Variants in PLCL1 observed in about 807,000 individuals in gnomAD.
PLCL1 encodes the protein inactive phospholipase C-like protein 1.
A neutral mutation model predicts 84.4 loss-of-function variants in PLCL1; 41 were observed. The ratio of observed to expected loss-of-function variants is 0.49; its 90% CI spans 0.38 to 0.63. The LOEUF is 0.63. Among genes scored for constraint, PLCL1 ranks in the 30% least tolerant of loss-of-function variants. PLCL1 has a pLI of 0.00. For synonymous variants in PLCL1, 490 were observed against 488.3 expected (o/e 1.00, Z -0.05); for missense variants, 1,206 against 1,367.8 (o/e 0.88, Z 1.87).
At chr2:197,854,941 A>T (rs1168284552) in intron 1 of PLCL1, among the ~76,000 whole-genome samples, 2 of 152,180 alleles carry the variant, frequency 1.3e-5, no homozygotes, top group Non-Finnish European at 2.9e-5. Context: ...TAAAGACAGA[A>T]TTTTTACAGC....
At chr2:198,054,154 T>C (rs891843452) in intron 1 of PLCL1, among the ~76,000 whole-genome samples, 2 of 152,134 alleles carry the variant, frequency 1.3e-5, no homozygotes, top group Admixed American at 6.5e-5. Context: ...GCACCCAACA[T>C]CAGAACACCT....
intron 1 of PLCL1, among the ~76,000 whole-genome samples, chr2:197,858,377 G>A (rs1209582573): frequency 6.6e-6 from 1 of 152,080 alleles, no homozygotes; most frequent in East Asian, 1.9e-4. Flanking sequence ...CCTCCAAAGG[G>A]CCTGAGCCAT....
chr2:197,988,220 G>C (rs1342829005), intron 1 of PLCL1, among the ~76,000 whole-genome samples: 1 of 152,192 alleles, frequency 6.6e-6, no homozygotes, highest in Non-Finnish European at 1.5e-5. Flanking sequence ...AGCTGAGTGA[G>C]TATAGTGTTG....
intron 1 of PLCL1, among the ~76,000 whole-genome samples, chr2:197,915,953 A>C (rs545283559): frequency 1.3e-5 from 2 of 152,316 alleles, no homozygotes; most frequent in South Asian, 4.1e-4. Context: ...GCATCAGACA[A>C]TATACCAGCT....
Position 198,084,714 on chromosome 2 carries a change from T to C in PLCL1, c.1197T>C (p.Asp399=), listed in dbSNP as rs768799803. 1 of 1,614,090 alleles carries C rather than the reference T, an allele frequency of 6.2e-7. No homozygotes were observed. The highest frequency in any genetic ancestry group is 8.5e-7 in the Non-Finnish European group (1 of 1,179,984). Residue 399 remains aspartate, a synonymous_variant, in exon 2 of 6, where the codon GAT becomes GAC. Coordinates refer to ENST00000428675, the MANE Select transcript of PLCL1 (RefSeq NM_006226.4). ...CTGAGCAAAAGAAGGTTGCCCAAGA[T>C]ATGACCCAGCCATTATCTCACTACT... ...FDPEQKKVAQ[D]MTQPLSHYYI... is the part of the protein sequence containing the mutation.
At chr2:198,059,389 T>C (rs1692140966) in intron 1 of PLCL1, among the ~76,000 whole-genome samples, 2 of 152,180 alleles carry the variant, frequency 1.3e-5, no homozygotes, top group African/African-American at 4.8e-5. Context: ...AAACATCTGT[T>C]TGGTTTCTGT....
intron 1 of PLCL1, among the ~76,000 whole-genome samples, chr2:198,061,527 A>G (rs1207256959): frequency 2.0e-5 from 3 of 152,172 alleles, no homozygotes; most frequent in African/African-American, 7.2e-5. Flanking sequence ...CTTCATTGGT[A>G]TATGATCTGG....
At chr2:197,974,391 T>C (rs1689926329) in intron 1 of PLCL1, among the ~76,000 whole-genome samples, 1 of 152,240 alleles carries the variant, frequency 6.6e-6, no homozygotes, top group Admixed American at 6.5e-5. Flanking sequence ...ATCTTGAGCA[T>C]GTGCTACTTT....
intron 1 of PLCL1, among the ~76,000 whole-genome samples, chr2:197,989,419 A>G (rs1690291516): frequency 6.6e-6 from 1 of 152,146 alleles, no homozygotes. Flanking sequence ...AGGAATTTGA[A>G]CTAGATCTGA....
At chr2:198,101,510 C>G in intron 4 of PLCL1, 150 bp downstream of exon 4, 2 of 597,168 alleles carry the variant, frequency 3.3e-6, no homozygotes, top group Non-Finnish European at 5.9e-6. Context: ...TTAAGTTACA[C>G]TTTAGTCTTT....
chr2:198,140,593 A>G (rs995616831), intron 5 of PLCL1, among the ~76,000 whole-genome samples: 2 of 152,160 alleles, frequency 1.3e-5, no homozygotes, highest in African/African-American at 4.8e-5. Context: ...GAAATGTGGT[A>G]AAAGAAGATC....
rs750593306 is a variant in PLCL1, at chr2:198,085,064, A to G, written c.1547A>G (p.Tyr516Cys). The change falls in exon 2 of 6, where the codon TAT (tyrosine) becomes TGT (cysteine). Residue 516 changes from tyrosine to cysteine, a missense_variant. Transcript: ENST00000428675. The surrounding 1 kb of genome is among the most constrained non-coding windows in gnomAD (Gnocchi z 5.3). ...AAAAAGGTCTTTGGCAATAAACTCT[A>G]TACTGAAGCACCTTTGCCCTCAGAA... is the stretch of plus-strand genomic sequence containing the variant. ...QMKKVFGNKL[Y>C]TEAPLPSESY... 1 of 1,614,108 alleles carries G rather than the reference A, an allele frequency of 6.2e-7. No individual in the cohort carries two copies. The highest frequency in any genetic ancestry group is 2.2e-5 in the East Asian group (1 of 44,886).
At chr2:198,023,346 C>G (rs1369798022) in intron 1 of PLCL1, among the ~76,000 whole-genome samples, 2 of 152,204 alleles carry the variant, frequency 1.3e-5, no homozygotes, top group Non-Finnish European at 2.9e-5. Context: ...TGGGCAAAGA[C>G]TTCAAGACTA....
At chr2:198,022,774 C>G (rs1691168451) in intron 1 of PLCL1, among the ~76,000 whole-genome samples, 2 of 152,176 alleles carry the variant, frequency 1.3e-5, no homozygotes, top group South Asian at 4.1e-4. Context: ...GAAAAACTTT[C>G]CATGTTCATG....
chr2:198,087,489 T>G (rs532967767), intron 2 of PLCL1, among the ~76,000 whole-genome samples: 1 of 152,298 alleles, frequency 6.6e-6, no homozygotes, highest in South Asian at 2.1e-4. Flanking sequence ...CTGATGTGTT[T>G]ATAATAATCC....
chr2:198,021,934 A>G (rs1691142393), intron 1 of PLCL1, among the ~76,000 whole-genome samples: 1 of 151,792 alleles, frequency 6.6e-6, no homozygotes, highest in Non-Finnish European at 1.5e-5. Context: ...CTGACAAAAA[A>G]AGAAAACTTC....
At chr2:198,015,065 G>A (rs539580077) in intron 1 of PLCL1, among the ~76,000 whole-genome samples, 7 of 152,076 alleles carry the variant, frequency 4.6e-5, no homozygotes, top group Admixed American at 6.6e-5. Context: ...CATGTTCGGC[G>A]TTTCAGTGGA....
At chr2:197,816,344 G>T (rs1035490939) in intron 1 of PLCL1, among the ~76,000 whole-genome samples, 13 of 152,178 alleles carry the variant, frequency 8.5e-5, no homozygotes, top group Middle Eastern at 3.4e-3. Context: ...TATACATTGT[G>T]CTTTTAGATG....
chr2:198,130,118 C>G (rs1694083385), intron 5 of PLCL1, among the ~76,000 whole-genome samples: 1 of 152,072 alleles, frequency 6.6e-6, no homozygotes, highest in Admixed American at 6.6e-5. Flanking sequence ...CTTCAGCCTC[C>G]CAAGTAGCTG....
Sources: allele counts gnomAD v4.1 joint callset (sites outside exome capture counted in the v4.1 genomes callset), GRCh38; gene constraint gnomAD v4.1.1; non-coding constraint Gnocchi (gnomAD v3.1); transcripts MANE v1.5; gene names NCBI Gene and HGNC (gene_info 2026-07-23, HGNC 2026-07-21).